The following HSDL2 variants were observed in gnomAD, a reference collection of about 807,000 sequenced individuals.
The protein encoded by HSDL2 is hydroxysteroid dehydrogenase-like protein 2.
In HSDL2, 27 loss-of-function variants were observed where a neutral mutation model predicts 46.3. The observed-to-expected ratio is 0.58, with a 90% CI of 0.43 to 0.80. The LOEUF (loss-of-function observed/expected upper bound fraction) is 0.80. Among genes scored for constraint, HSDL2 ranks in the 30% least tolerant of loss-of-function variants. HSDL2 has a pLI of 0.00. For missense variants in HSDL2, 451 were observed against 502.7 expected, an observed-to-expected ratio of 0.90 and a Z score of 0.98; for synonymous variants, 153 against 163.6, an observed-to-expected ratio of 0.94 and a Z score of 0.50.
intron 5 of HSDL2, 62 bp from the exon 6 acceptor site, chr9:112,418,798 T>C: frequency 1.1e-6 from 1 of 934,270 alleles, no homozygotes. Context: ...TTATTTCTAC[T>C]CACAAGTTAA....
chr9:112,402,157 C>G (rs144306564), intron 1 of HSDL2, among the ~76,000 whole-genome samples: 69 of 152,190 alleles, frequency 4.5e-4, no homozygotes, highest in African/African-American at 1.6e-3. Flanking sequence ...TAAATTTGCC[C>G]TTAGAAAGTA....
intron 9 of HSDL2, among the ~76,000 whole-genome samples, chr9:112,454,464 T>A (rs951321699): frequency 6.6e-6 from 1 of 151,788 alleles, no homozygotes; most frequent in Non-Finnish European, 1.5e-5. Flanking sequence ...ATGATTTTTA[T>A]TTCTAGATTA....
Position 112,438,484 on chromosome 9 carries a change from T to C in HSDL2, c.652T>C (p.Cys218Arg), listed in dbSNP as rs1279023620. ...GGGAGGACCTGGTATCGAAAGCCAG[T>C]GTAGAAAAGTTGATATCATTGCAGA... Reference protein sequence around the residue: ...MLGGPGIESQCRKVDIIADAA... With the variant: ...MLGGPGIESQRRKVDIIADAA... The change falls in exon 7 of 11, where the codon TGT becomes CGT. Residue 218 changes from cysteine (C) to arginine (R), a missense_variant. Physicochemically the swap from Cys to Arg is radical, Grantham distance 180. Coordinates refer to ENST00000398805, the MANE Select transcript of HSDL2 (RefSeq NM_032303.5). The C allele has an allele frequency of 1.2e-6, 2 of 1,610,846 alleles. No individual in the cohort carries two copies. Among genetic ancestry groups the C allele is most frequent in the Non-Finnish European group, 1.7e-6 (2 of 1,178,882 alleles).
intron 10 of HSDL2, among the ~76,000 whole-genome samples, chr9:112,464,820 C>T (rs4979121): frequency 0.96 from 145,478 of 152,294 alleles, 69,546 homozygotes; most frequent in African/African-American, 0.98. Flanking sequence ...AACCTCATAT[C>T]CCTCTATATC....
At chr9:112,425,659 A>T (rs938259431) in intron 6 of HSDL2, among the ~76,000 whole-genome samples, 6 of 152,164 alleles carry the variant, frequency 3.9e-5, no homozygotes, top group Non-Finnish European at 7.4e-5. Context: ...TTATTAGCAT[A>T]CTTATTCTGT....
At chr9:112,437,738 A>G (rs1418403572) in intron 6 of HSDL2, among the ~76,000 whole-genome samples, 1 of 152,232 alleles carries the variant, frequency 6.6e-6, no homozygotes. Context: ...GTCTGTTTTC[A>G]GGCAGTAATC....
chr9:112,406,383 C>T (rs1484747771), intron 3 of HSDL2, among the ~76,000 whole-genome samples: 1 of 152,036 alleles, frequency 6.6e-6, no homozygotes, highest in Non-Finnish European at 1.5e-5. Flanking sequence ...AAAATTCTTC[C>T]TTTATGTGGT....
chr9:112,398,580 G>A (rs998329232), intron 1 of HSDL2, among the ~76,000 whole-genome samples: 6 of 152,014 alleles, frequency 3.9e-5, no homozygotes, highest in African/African-American at 9.7e-5. Flanking sequence ...AGCAGATAAC[G>A]AAGGCCGAAC....
At chr9:112,444,832 TTG>T (rs1644894894) in intron 8 of HSDL2, among the ~76,000 whole-genome samples, 1 of 105,126 alleles carries the variant, frequency 9.5e-6, no homozygotes, top group Non-Finnish European at 2.0e-5. Flanking sequence ...CCACTCAGTC[TTG>T]TTTTTTTTTT....
rs149793280 is a variant in HSDL2, at chr9:112,441,041, T to C, written c.794-658T>C. On this transcript the variant is annotated intron_variant, in intron 7 of 10. Coordinates refer to ENST00000398805, the MANE Select transcript of HSDL2 (RefSeq NM_032303.5). ...AATAAATAAATAAATAATAAATAAA[T>C]AAATAAAAATTAGCTGGATATGGTG... Among the ~76,000 whole-genome samples, 684 of 150,822 alleles carry C rather than the reference T, an allele frequency of 4.5e-3. 31 individuals are homozygous for C. In the East Asian group the frequency reaches 0.12, roughly 26 times the overall value.
chr9:112,418,746 T>A (rs1280101082), intron 5 of HSDL2, 114 bp from the exon 6 acceptor site: 1 of 469,812 alleles, frequency 2.1e-6, no homozygotes, highest in African/African-American at 2.0e-5. Context: ...TATACATACA[T>A]GCACACATAT....
At chr9:112,444,563 C>A (rs1832706692) in intron 8 of HSDL2, among the ~76,000 whole-genome samples, 1 of 151,904 alleles carries the variant, frequency 6.6e-6, no homozygotes, top group South Asian at 2.1e-4. Context: ...CATGGCAAAA[C>A]TTTGTCTCTA....
At chr9:112,425,491 T>C (rs1455619985) in intron 6 of HSDL2, among the ~76,000 whole-genome samples, 2 of 152,180 alleles carry the variant, frequency 1.3e-5, no homozygotes, top group African/African-American at 4.8e-5. Flanking sequence ...AGAGAAGTAA[T>C]CTACCTAGAT....
At chr9:112,437,630 A>G (rs1381139236) in intron 6 of HSDL2, among the ~76,000 whole-genome samples, 1 of 152,116 alleles carries the variant, frequency 6.6e-6, no homozygotes, top group Non-Finnish European at 1.5e-5. Flanking sequence ...CTCTTCCCAG[A>G]GAAGGAGTCA....
chr9:112,408,201 G>A (rs1831773839), intron 3 of HSDL2, among the ~76,000 whole-genome samples: 1 of 152,158 alleles, frequency 6.6e-6, no homozygotes. Context: ...AGGGAGGACA[G>A]GCCTTTGAAA....
At chr9:112,430,293 A>G (rs912511152) in intron 6 of HSDL2, among the ~76,000 whole-genome samples, 4 of 152,184 alleles carry the variant, frequency 2.6e-5, no homozygotes, top group African/African-American at 9.6e-5. Context: ...AGGAAGCAGC[A>G]GTGGATAGGT....
chr9:112,416,480 C>T (rs1023638118), intron 4 of HSDL2, among the ~76,000 whole-genome samples: 2 of 150,804 alleles, frequency 1.3e-5, no homozygotes, highest in South Asian at 2.1e-4. Flanking sequence ...CGCAGTGGTT[C>T]ACACCTGTAA....
At position 112,404,106 on chromosome 9, in the gene HSDL2, C is replaced by G. The variant is rs767531369; in HGVS notation, c.129C>G (p.Thr43=). 1 of 1,613,976 alleles carries G rather than the reference C, an allele frequency of 6.2e-7. No individual in the cohort carries two copies. Among genetic ancestry groups the G allele is most frequent in the Admixed American group, 1.7e-5 (1 of 59,992 alleles). The part of the protein sequence containing the change: ...DGANIVIAAK[T]AQPHPKLLGT... ...CAAATATTGTTATTGCTGCAAAGAC[C>G]GCCCAGCCACATCCAAAACTTCTAG... Residue 43 remains threonine (T), a synonymous_variant, in exon 2 of 11, where the codon ACC becomes ACG. Coordinates refer to ENST00000398805, the MANE Select transcript of HSDL2 (RefSeq NM_032303.5).
At chr9:112,405,844 G>A (rs573504758) in intron 3 of HSDL2, 122 bp downstream of exon 3, 3 of 637,692 alleles carry the variant, frequency 4.7e-6, no homozygotes, top group Admixed American at 2.9e-5. Context: ...ATACGTATTT[G>A]CTCACACAGA....
Sources: gnomAD v4.1 joint callset for allele counts (sites outside exome capture counted in the v4.1 genomes callset) on GRCh38, gnomAD v4.1.1 for gene constraint, MANE v1.5 for transcripts, NCBI Gene and HGNC (gene_info 2026-07-23, HGNC 2026-07-21) for gene names.